GABBR2: variants seen among roughly 807,000 people sequenced by gnomAD.
GABBR2 encodes G-protein coupled receptor 51.
GABBR2 carries 23 observed loss-of-function variants against 105.6 expected under a neutral mutation model. That is an observed-to-expected ratio of 0.22 (90% CI 0.16 to 0.31). The LOEUF is 0.31. GABBR2 is among the 10% of genes least tolerant of loss of function. The probability of loss-of-function intolerance (pLI) is 1.00; values close to 1 mark genes in which losing one functional copy is unlikely to be tolerated. For synonymous variants in GABBR2, 478 were observed against 499.7 expected, an observed-to-expected ratio of 0.96 and a Z score of 0.58; for missense variants, 734 against 1,245.5, an observed-to-expected ratio of 0.59 and a Z score of 6.18.
intron 6 of GABBR2, among the ~76,000 whole-genome samples, chr9:98,463,501 A>G (rs1421971166): frequency 6.6e-6 from 1 of 152,092 alleles, no homozygotes; most frequent in African/African-American, 2.4e-5. Flanking sequence ...AAGACTTATT[A>G]TAAAGCTACA....
intron 2 of GABBR2, among the ~76,000 whole-genome samples, chr9:98,560,089 T>C (rs1828646164): frequency 6.6e-6 from 1 of 151,900 alleles, no homozygotes; most frequent in Non-Finnish European, 1.5e-5. Flanking sequence ...AAGGATGGCA[T>C]GGAACAGAAT....
chr9:98,384,457 G>C (rs1410020478), intron 11 of GABBR2, among the ~76,000 whole-genome samples: 1 of 152,108 alleles, frequency 6.6e-6, no homozygotes, highest in Non-Finnish European at 1.5e-5. Flanking sequence ...GGGCATGGTG[G>C]TGCATGCCTG....
intron 2 of GABBR2, among the ~76,000 whole-genome samples, chr9:98,558,678 C>G (rs1828623512): frequency 6.6e-6 from 1 of 152,178 alleles, no homozygotes; most frequent in Non-Finnish European, 1.5e-5. Context: ...ACATCATCAG[C>G]CAGGACGCCC....
intron 3 of GABBR2, among the ~76,000 whole-genome samples, chr9:98,521,290 T>C (rs1827860375): frequency 6.6e-6 from 1 of 152,144 alleles, no homozygotes; most frequent in Non-Finnish European, 1.5e-5. Flanking sequence ...GACTCATGGC[T>C]CTCCTTCCTG....
intron 2 of GABBR2, among the ~76,000 whole-genome samples, chr9:98,555,038 AC>A (rs1588226658): frequency 2.0e-5 from 3 of 152,236 alleles, no homozygotes; most frequent in African/African-American, 7.2e-5. Flanking sequence ...CTGGGGTCAG[AC>A]AGGCACATTC....
At chr9:98,572,204 G>A (rs1828842640) in intron 2 of GABBR2, among the ~76,000 whole-genome samples, 1 of 152,200 alleles carries the variant, frequency 6.6e-6, no homozygotes, top group Non-Finnish European at 1.5e-5. Flanking sequence ...GTTCCCAGTG[G>A]CTAAGTGACT....
At chr9:98,296,658 T>C (rs536933392) in intron 17 of GABBR2, among the ~76,000 whole-genome samples, 1 of 152,234 alleles carries the variant, frequency 6.6e-6, no homozygotes, top group South Asian at 2.1e-4. Context: ...TTCATAAGTG[T>C]AAGAACAATT....
intron 13 of GABBR2, among the ~76,000 whole-genome samples, chr9:98,318,537 G>A (rs1830760207): frequency 6.6e-6 from 1 of 152,204 alleles, no homozygotes; most frequent in African/African-American, 2.4e-5. Context: ...CGAGGCAACA[G>A]GCCCAGGCAG....
At chr9:98,487,237 T>A (rs1259813333) in intron 4 of GABBR2, among the ~76,000 whole-genome samples, 4 of 152,162 alleles carry the variant, frequency 2.6e-5, no homozygotes, top group Admixed American at 6.5e-5. Context: ...TTGCGTCCCC[T>A]TGGGGTGCCT....
At chr9:98,460,315 G>A (rs557000654) in intron 6 of GABBR2, among the ~76,000 whole-genome samples, 1 of 152,224 alleles carries the variant, frequency 6.6e-6, no homozygotes, top group African/African-American at 2.4e-5. Flanking sequence ...CCTGGGAGGT[G>A]CAGTGAGCCA....
At chr9:98,543,056 C>A (rs550243896) in intron 2 of GABBR2, among the ~76,000 whole-genome samples, 4 of 151,946 alleles carry the variant, frequency 2.6e-5, no homozygotes, top group Non-Finnish European at 4.4e-5. Context: ...AATTTACACT[C>A]GATAGTCAAA....
At chr9:98,526,733 T>C (rs776208192) in intron 3 of GABBR2, among the ~76,000 whole-genome samples, 1 of 152,226 alleles carries the variant, frequency 6.6e-6, no homozygotes, top group Non-Finnish European at 1.5e-5. Context: ...CTTAAATGAA[T>C]GAATGTATTA....
chr9:98,702,951 T>C (rs1830849565), intron 1 of GABBR2, among the ~76,000 whole-genome samples: 1 of 152,196 alleles, frequency 6.6e-6, no homozygotes. Flanking sequence ...GTTCAGGTGG[T>C]TGGGTGAAGC....
intron 13 of GABBR2, among the ~76,000 whole-genome samples, chr9:98,322,631 C>T (rs1301753525): frequency 6.6e-6 from 1 of 151,270 alleles, no homozygotes; most frequent in African/African-American, 2.4e-5. Context: ...CAGCCTTGTT[C>T]CCCATCCCCC....
intron 1 of GABBR2, among the ~76,000 whole-genome samples, chr9:98,612,053 C>G (rs1829513458): frequency 6.6e-6 from 1 of 152,348 alleles, no homozygotes; most frequent in Middle Eastern, 3.4e-3. Flanking sequence ...GAGAAGGGAC[C>G]ACCTGCAGAT....
At chr9:98,578,303 T>C (rs1347742258) in intron 1 of GABBR2, among the ~76,000 whole-genome samples, 3 of 152,022 alleles carry the variant, frequency 2.0e-5, no homozygotes, top group Admixed American at 2.0e-4. Context: ...ATCTAGGACC[T>C]CTCTCCAGCA....
intron 1 of GABBR2, among the ~76,000 whole-genome samples, chr9:98,650,408 A>T (rs189507976): frequency 2.0e-5 from 3 of 152,346 alleles, no homozygotes; most frequent in Admixed American, 2.0e-4. Context: ...AAGTACTTAG[A>T]ATTGTGCCTG....
chr9:98,290,521 G>GCAGA lies in GABBR2; in HGVS notation c.*59_*62dup. 8.6e-7 allele frequency: 1 copy of GCAGA among 1,158,600 alleles called. No homozygotes were observed. Among genetic ancestry groups the GCAGA allele is most frequent in the Non-Finnish European group, 1.1e-6 (1 of 895,186 alleles). The allele number at this position is 1,158,600 out of a possible 1,614,324, so 71.8% of individuals were successfully genotyped here. On this transcript the variant is annotated 3_prime_UTR_variant, in exon 19 of 19. Transcript: ENST00000259455. ...AGCCAGAGCCGACAGTGTTTCTGCAGCAGACCCCTCTGCCCAGTGTGGTTC... is the reference window on the plus strand; with the variant it reads ...AGCCAGAGCCGACAGTGTTTCTGCAGCAGACAGACCCCTCTGCCCAGTGTGGTTC...
At chr9:98,670,701 C>T (rs1369244666) in intron 1 of GABBR2, among the ~76,000 whole-genome samples, 1 of 152,098 alleles carries the variant, frequency 6.6e-6, no homozygotes, top group Non-Finnish European at 1.5e-5. Flanking sequence ...AACTGGAGGA[C>T]GTTGTATTAA....
Sources: allele counts gnomAD v4.1 joint callset (sites outside exome capture counted in the v4.1 genomes callset), GRCh38; gene constraint gnomAD v4.1.1; transcripts MANE v1.5; gene names NCBI Gene and HGNC (gene_info 2026-07-23, HGNC 2026-07-21).